Variants in ANKMY1 observed in about 807,000 individuals in gnomAD.
The protein encoded by ANKMY1 is ankyrin repeat and MYND domain containing 1, also known as ankyrin repeat and MYND domain-containing protein 1.
Under a neutral mutation model 102.0 loss-of-function variants are expected in ANKMY1, and 98 were observed. The ratio of observed to expected loss-of-function variants is 0.96; its 90% CI spans 0.82 to 1.14. ANKMY1 has a LOEUF of 1.14. Ranked by LOEUF, ANKMY1 falls within the 50% of genes most tolerant of loss-of-function variation. The pLI is 0.00. For synonymous variants in ANKMY1, 582 were observed against 559.9 expected (o/e 1.04, Z -0.56); for missense variants, 1,330 against 1,347.6 (o/e 0.99, Z 0.20).
rs139898145 is a variant in ANKMY1 at position 240,529,358 on chromosome 2, G to C, written c.632C>G (p.Ser211Cys). ...GFSLLRYPEF[S>C]SFITHSPARI... Reference sequence around the variant, plus strand: ...GGCAGGGCTGTGGGTGATGAAGCTGGAGAACTCAGGGTATCTGAGGAGGGA... The same window carrying C: ...GGCAGGGCTGTGGGTGATGAAGCTGCAGAACTCAGGGTATCTGAGGAGGGA... The change falls in exon 5 of 18, where the codon TCC becomes TGC. Residue 211 changes from serine (S) to cysteine (C), a missense_variant. By Grantham distance (112) the Ser-to-Cys change is moderately radical. Coordinates refer to ENST00000401804, the MANE Select transcript of ANKMY1 (RefSeq NM_001282771.3). This position sits in a 1 kb window ranked among gnomAD's most constrained non-coding sequence, Gnocchi z 4.2. 6.2e-6 allele frequency: 10 copies of C among 1,614,194 alleles called. No individual in the cohort carries two copies. The East Asian group carries it at 2.0e-4, about 32-fold the overall frequency.
In ANKMY1 at chr2:240,526,236, G is replaced by A. The variant is rs201252509; in HGVS notation, c.1163C>T (p.Ala388Val). Residue 388 changes from alanine (A) to valine (V), a missense_variant, in exon 6 of 18, where the codon GCG (alanine) becomes GTG (valine). By Grantham distance (64) the Ala-to-Val change is moderately conservative. Transcript: ENST00000401804. ...ADAKGYTVLA[A>V]AATHCHNDIV... ...GGAGGGTGTGGGGCTTACAGCAGCC[G>A]CAGCAAGCACAGTGTAGCCCTTTGC... 7.7e-5 allele frequency: 124 copies of A among 1,614,010 alleles called. No individual in the cohort carries two copies. Among genetic ancestry groups the A allele is most frequent in the Middle Eastern group, 3.3e-4 (2 of 6,062 alleles).
chr2:240,478,296 A>G (rs1574834138), downstream of ANKMY1, among the ~76,000 whole-genome samples: 1 of 152,214 alleles, frequency 6.6e-6, no homozygotes, highest in Non-Finnish European at 1.5e-5. Flanking sequence ...GGACTAATAC[A>G]GTGCGGATAA....
chr2:240,509,224 AATGGATGGATGGATGGATG>A, intron 12 of ANKMY1, 105 bp downstream of exon 12: 1 of 602,940 alleles, frequency 1.7e-6, no homozygotes, highest in Non-Finnish European at 2.6e-6. Flanking sequence ...TGGATGGATG[AATGGATGGATGGATGGATG>A]GATAAATGGC....
intron 13 of ANKMY1, among the ~76,000 whole-genome samples, chr2:240,502,613 C>T (rs72995899): frequency 0.039 from 5,998 of 151,980 alleles, 147 homozygotes; most frequent in Middle Eastern, 0.065. Flanking sequence ...ACCTGCCCGT[C>T]GCTCACCAGG....
chr2:240,537,797 T>C (rs2087240133), intron 4 of ANKMY1, among the ~76,000 whole-genome samples: 1 of 152,212 alleles, frequency 6.6e-6, no homozygotes. Context: ...CAAGTGGAGG[T>C]GTAAACTGGT....
intron 4 of ANKMY1, among the ~76,000 whole-genome samples, chr2:240,539,714 T>G (rs2088103171): frequency 6.6e-6 from 1 of 152,222 alleles, no homozygotes; most frequent in Admixed American, 6.5e-5. Context: ...GAATCTCAGA[T>G]GCATGATGCT....
At chr2:240,489,492 G>T (rs918686200) in intron 15 of ANKMY1, among the ~76,000 whole-genome samples, 2 of 151,622 alleles carry the variant, frequency 1.3e-5, no homozygotes, top group African/African-American at 2.4e-5. Flanking sequence ...ATGAAGATTT[G>T]TTGAGTTGTA....
intron 13 of ANKMY1, among the ~76,000 whole-genome samples, chr2:240,507,075 C>T (rs879763021): frequency 6.6e-6 from 1 of 152,072 alleles, no homozygotes; most frequent in Non-Finnish European, 1.5e-5. Context: ...CTTGTTTTCA[C>T]CGAGACAAAT....
At chr2:240,525,905 A>G in intron 6 of ANKMY1, 56 bp from the exon 7 acceptor site, 1 of 1,588,206 alleles carries the variant, frequency 6.3e-7, no homozygotes, top group Non-Finnish European at 8.6e-7. Flanking sequence ...AGGGGTGGGA[A>G]GGGTCACTGG....
intron 3 of ANKMY1, chr2:240,553,739 A>G (rs1052572631): frequency 1.3e-5 from 2 of 152,276 alleles, no homozygotes; most frequent in African/African-American, 2.4e-5. Context: ...TACTAAAAAT[A>G]CAAAAATTAG....
In ANKMY1 at chr2:240,557,210, G is replaced by C; in HGVS notation, c.126C>G (p.Asn42Lys). ...PAAEEPGSLK[N>K]YAVFATRDVS... ...CGCACCTTGTGGCGAAGACAGCGTA[G>C]TTCTTCAGGGACCCCGGCTCCTCGG... Residue 42 changes from asparagine (N) to lysine (K), a missense_variant, in exon 2 of 18, where the codon AAC (asparagine) becomes AAG (lysine). Transcript: ENST00000401804. 1 of 1,571,394 alleles carries C rather than the reference G, an allele frequency of 6.4e-7. No homozygotes were observed. Among genetic ancestry groups the C allele is most frequent in the Non-Finnish European group, 8.6e-7 (1 of 1,156,996 alleles).
intron 4 of ANKMY1, among the ~76,000 whole-genome samples, chr2:240,540,561 C>T (rs2088453169): frequency 6.6e-6 from 1 of 152,160 alleles, no homozygotes; most frequent in Non-Finnish European, 1.5e-5. Flanking sequence ...CTTCCTTACC[C>T]CTCCTGAGTT....
chr2:240,503,834 G>A (rs991904561), intron 13 of ANKMY1, among the ~76,000 whole-genome samples: 3 of 152,358 alleles, frequency 2.0e-5, no homozygotes, highest in Non-Finnish European at 4.4e-5. Flanking sequence ...AAAGTAACAT[G>A]AGGTCCTTAG....
At position 240,525,641 on chromosome 2, in the gene ANKMY1, C is replaced by A. The variant is rs770007668; in HGVS notation, c.1335+44G>T. 8.1e-6 allele frequency: 13 copies of A among 1,597,012 alleles called. No individual in the cohort carries two copies. In the Middle Eastern group the frequency reaches 1.3e-3, roughly 163 times the overall value. On this transcript the variant is annotated intron_variant, in intron 7 of 17. Transcript: ENST00000401804. The stretch of plus-strand genomic sequence containing the variant: ...TGGACATTTACAGAGACAGAGAAGA[C>A]TACAGGAGACAGTTGGTGGTGCAGT...
At position 240,516,665 on chromosome 2, in the gene ANKMY1, A is replaced by T. The variant is rs566322428; in HGVS notation, c.2004+3697T>A. On this transcript the variant is annotated intron_variant, in intron 9 of 17. Transcript: ENST00000401804. ...GTTTTCTTTTCACAAAGTGACTTAC[A>T]ATCAATCAGCTACCATCCAGGGCTT... 7.2e-5 allele frequency among the ~76,000 whole-genome samples: 11 copies of T among 152,340 alleles called. No individual in the cohort carries two copies. In the South Asian group the frequency reaches 2.3e-3, roughly 32 times the overall value.
chr2:240,519,592 A>AAGCC (rs2081790337), intron 9 of ANKMY1, among the ~76,000 whole-genome samples: 1 of 152,128 alleles, frequency 6.6e-6, no homozygotes, highest in Admixed American at 6.5e-5. Context: ...TTCGGGAAGG[A>AAGCC]AGCCCTTCCA....
chr2:240,533,256 AATG>A (rs2085878474), intron 4 of ANKMY1, among the ~76,000 whole-genome samples: 1 of 152,196 alleles, frequency 6.6e-6, no homozygotes, highest in South Asian at 2.1e-4. Flanking sequence ...TATCGACCCA[AATG>A]AAGATGAGAA....
the ANKMY1 span, among the ~76,000 whole-genome samples, chr2:240,471,137 G>T: frequency 6.6e-6 from 1 of 152,046 alleles, no homozygotes; most frequent in East Asian, 1.9e-4. Flanking sequence ...CCTTTTTGAA[G>T]AATCAGTGGC....
At chr2:240,514,956 T>TTC (rs2080915012) in intron 9 of ANKMY1, among the ~76,000 whole-genome samples, 1 of 152,252 alleles carries the variant, frequency 6.6e-6, no homozygotes, top group African/African-American at 2.4e-5. Context: ...AGTGCTGATG[T>TTC]TCTGCTCTTG....
Sources: gnomAD v4.1 joint callset for allele counts (sites outside exome capture counted in the v4.1 genomes callset) on GRCh38, gnomAD v4.1.1 for gene constraint, Gnocchi (gnomAD v3.1) non-coding constraint, MANE v1.5 for transcripts, NCBI Gene and HGNC (gene_info 2026-07-23, HGNC 2026-07-21) for gene names.